The following UBE2U variants were observed in gnomAD, a reference collection of about 807,000 sequenced individuals.
UBE2U encodes ubiquitin-conjugating enzyme E2 U.
UBE2U carries 39 observed loss-of-function variants against 41.2 expected under a neutral mutation model. The observed-to-expected ratio is 0.95, with a 90% CI of 0.73 to 1.24. The LOEUF (loss-of-function observed/expected upper bound fraction) is 1.24, where lower values mean the gene tolerates loss of function less well. UBE2U is among the 50% of genes most tolerant of loss of function. The pLI is 0.00. For missense variants in UBE2U, 336 were observed against 363.1 expected, an observed-to-expected ratio of 0.93 and a Z score of 0.61; for synonymous variants, 107 against 117.8, an observed-to-expected ratio of 0.91 and a Z score of 0.60.
intron 8 of UBE2U, among the ~76,000 whole-genome samples, chr1:64,259,354 T>C (rs1645146396): frequency 6.6e-6 from 1 of 152,148 alleles, no homozygotes; most frequent in African/African-American, 2.4e-5. Context: ...AGTTTGGCTT[T>C]TGTTGCCGTT....
chr1:64,219,881 A>G (rs1652316021), intron 5 of UBE2U, among the ~76,000 whole-genome samples: 1 of 152,212 alleles, frequency 6.6e-6, no homozygotes, highest in African/African-American at 2.4e-5. Flanking sequence ...TACAGGCATG[A>G]GCCACTGCGT....
At chr1:64,243,129 A>G (rs1238709656) in intron 8 of UBE2U, among the ~76,000 whole-genome samples, 2 of 152,192 alleles carry the variant, frequency 1.3e-5, no homozygotes, top group Non-Finnish European at 2.9e-5. Context: ...TCAAATTATC[A>G]TGTGCATAGT....
chr1:64,206,089 A>G (rs1452668005), intron 2 of UBE2U, among the ~76,000 whole-genome samples: 1 of 152,178 alleles, frequency 6.6e-6, no homozygotes, highest in Non-Finnish European at 1.5e-5. Context: ...CCCCACAGTT[A>G]CTTCTCATTT....
chr1:64,225,906 A>G (rs368021592), intron 6 of UBE2U, among the ~76,000 whole-genome samples: 7 of 152,230 alleles, frequency 4.6e-5, no homozygotes, highest in South Asian at 4.1e-4. Context: ...ACATTGCTGC[A>G]TATCTTGTTT....
chr1:64,239,157 A>AAGAAGGAGAAGAAGAAGGAGAAGAAG, intron 7 of UBE2U, among the ~76,000 whole-genome samples: 1 of 37,064 alleles, frequency 2.7e-5, no homozygotes, highest in African/African-American at 8.5e-5. Flanking sequence ...GAAGAAGAAG[A>AAGAAGGAGAAGAAGAAGGAGAAGAAG]AAGAAGAAGA....
At chr1:64,262,288 G>A (rs1451423658) in intron 9 of UBE2U, among the ~76,000 whole-genome samples, 1 of 152,110 alleles carries the variant, frequency 6.6e-6, no homozygotes, top group Non-Finnish European at 1.5e-5. Context: ...CTATTGCTGT[G>A]TCACAAATTA....
intron 6 of UBE2U, among the ~76,000 whole-genome samples, chr1:64,226,844 G>A (rs1652907283): frequency 1.3e-5 from 2 of 151,876 alleles, no homozygotes; most frequent in Non-Finnish European, 2.9e-5. Flanking sequence ...TACACGAAAG[G>A]AAATTATAGG....
chr1:64,231,353 C>T (rs939367679), intron 6 of UBE2U, among the ~76,000 whole-genome samples: 1 of 152,132 alleles, frequency 6.6e-6, no homozygotes, highest in African/African-American at 2.4e-5. Context: ...GCAAATTGAT[C>T]ACAAGCTTTT....
chr1:64,256,058 T>A (rs2100527883), intron 8 of UBE2U, among the ~76,000 whole-genome samples: 1 of 152,220 alleles, frequency 6.6e-6, no homozygotes, highest in East Asian at 1.9e-4. Flanking sequence ...GGAATACAGC[T>A]AACAAGGGAA....
At chr1:64,265,400 T>C (rs1409091135) in intron 9 of UBE2U, among the ~76,000 whole-genome samples, 1 of 152,192 alleles carries the variant, frequency 6.6e-6, no homozygotes, top group African/African-American at 2.4e-5. Flanking sequence ...AGTCCATCAA[T>C]AATATGTTCA....
At chr1:64,238,285 A>G (rs1225789138) in intron 7 of UBE2U, among the ~76,000 whole-genome samples, 1 of 151,940 alleles carries the variant, frequency 6.6e-6, no homozygotes, top group East Asian at 1.9e-4. Flanking sequence ...CATGCCTATA[A>G]TTCCAGCTGC....
At chr1:64,252,045 A>C (rs1645019294) in intron 8 of UBE2U, among the ~76,000 whole-genome samples, 1 of 152,076 alleles carries the variant, frequency 6.6e-6, no homozygotes, top group Non-Finnish European at 1.5e-5. Flanking sequence ...AGTTCTGTTG[A>C]CTCAGCATTC....
intron 7 of UBE2U, among the ~76,000 whole-genome samples, chr1:64,239,145 A>G (rs1244444022): frequency 3.1e-3 from 78 of 25,010 alleles, no homozygotes; most frequent in African/African-American, 0.016. Context: ...GAAGAAGAAG[A>G]AGAAGAAGAA....
chr1:64,218,701 C>T (rs192537342), intron 5 of UBE2U, among the ~76,000 whole-genome samples: 14 of 152,342 alleles, frequency 9.2e-5, no homozygotes, highest in African/African-American at 3.4e-4. Context: ...CACATTTCCT[C>T]TCCCCCATCC....
chr1:64,243,390 AAAT>A (rs1644868046), intron 8 of UBE2U, among the ~76,000 whole-genome samples: 1 of 152,192 alleles, frequency 6.6e-6, no homozygotes, highest in Non-Finnish European at 1.5e-5. Context: ...ACTTCTCTTC[AAAT>A]AATTATCAAA....
chr1:64,260,798 G>C (rs762320369), intron 9 of UBE2U, 104 bp downstream of exon 9: 5 of 816,740 alleles, frequency 6.1e-6, no homozygotes, highest in Non-Finnish European at 9.3e-6. Context: ...GAATATATGA[G>C]GGCTAATCCT....
intron 8 of UBE2U, among the ~76,000 whole-genome samples, chr1:64,259,675 G>A (rs1454816776): frequency 6.6e-6 from 1 of 151,724 alleles, no homozygotes; most frequent in Non-Finnish European, 1.5e-5. Flanking sequence ...TTTTCATTAT[G>A]TACCCCAAAA....
chr1:64,257,343 A>G (rs1257830708), intron 8 of UBE2U, among the ~76,000 whole-genome samples: 3 of 152,240 alleles, frequency 2.0e-5, no homozygotes, highest in Non-Finnish European at 4.4e-5. Flanking sequence ...TCACAAGAGC[A>G]AAGACATGGA....
chr1:64,239,136 A>G (rs964564155), intron 7 of UBE2U, among the ~76,000 whole-genome samples: 362 of 28,028 alleles, frequency 0.013, 5 homozygotes, highest in African/African-American at 0.048. Flanking sequence ...GAAGAAGAAG[A>G]AGAAGAAGAA....
Sources: gnomAD v4.1 joint callset for allele counts (sites outside exome capture counted in the v4.1 genomes callset) on GRCh38, gnomAD v4.1.1 for gene constraint, MANE v1.5 for transcripts, NCBI Gene and HGNC (gene_info 2026-07-23, HGNC 2026-07-21) for gene names.